Variants in STEAP1B observed in about 807,000 individuals in gnomAD.
STEAP1B encodes STEAP family member 1B, also known as STEAP family protein MGC87042.
In STEAP1B, 13 loss-of-function variants were observed where a neutral mutation model predicts 27.9. The ratio of observed to expected loss-of-function variants is 0.47; its 90% confidence interval spans 0.30 to 0.74. The LOEUF is 0.74. Ranked by LOEUF, STEAP1B falls within the 30% of genes least tolerant of loss-of-function variation. The pLI is 0.06. For synonymous variants in STEAP1B, 86 were observed against 107.1 expected, an observed-to-expected ratio of 0.80 and a Z score of 1.22; for missense variants, 250 against 298.7, an observed-to-expected ratio of 0.84 and a Z score of 1.20.
intron 4 of STEAP1B, among the ~76,000 whole-genome samples, chr7:22,492,234 G>A (rs1385962103): frequency 2.1e-5 from 3 of 142,464 alleles, no homozygotes; most frequent in Non-Finnish European, 4.5e-5. Context: ...CAGGAGAATC[G>A]CCTGAACCCA....
In STEAP1B at chr7:22,468,470, T is replaced by C. The variant is rs1203886468; in HGVS notation, c.762+24095A>G. Among the ~76,000 whole-genome samples, 10 of 152,324 alleles carry C rather than the reference T, an allele frequency of 6.6e-5. No individual in the cohort carries two copies. In the East Asian group the frequency reaches 1.5e-3, roughly 23 times the overall value. On this transcript the variant is annotated intron_variant, in intron 4 of 4. Coordinates refer to ENST00000678116, the MANE Select transcript of STEAP1B (RefSeq NM_001382447.1). ...GAAATGCAAAATGGTACAGCCACTT[T>C]GGAAAATCATTTGGCAGCTTTTTAA...
intron 4 of STEAP1B, among the ~76,000 whole-genome samples, chr7:22,420,240 A>G (rs971633329): frequency 4.6e-5 from 7 of 152,222 alleles, no homozygotes; most frequent in South Asian, 2.1e-4. Flanking sequence ...TCTTTTAAAC[A>G]GTAGGCACAG....
chr7:22,492,635 G>C lies in STEAP1B; in HGVS notation c.692C>G (p.Ala231Gly), dbSNP rs994271993. Residue 231 changes from alanine to glycine, a missense_variant, in exon 4 of 5, where the codon GCT becomes GGT. Physicochemically the swap from Ala to Gly is moderately conservative, Grantham distance 60. Coordinates refer to ENST00000678116, the MANE Select transcript of STEAP1B (RefSeq NM_001382447.1). The stretch of plus-strand genomic sequence containing the variant: ...TGGAATAGATGTCACAGCCAACAGA[G>C]CCAGTATTGCCAGTCCCACAATTCC... ...SLGIVGLAIL[A>G]LLAVTSIPSV... 5 of 1,613,508 alleles carry C rather than the reference G, an allele frequency of 3.1e-6. No individual in the cohort carries two copies. The African/African-American group carries it at 5.3e-5, about 17-fold the overall frequency.
chr7:22,431,823 G>C (rs1785191468), intron 4 of STEAP1B, among the ~76,000 whole-genome samples: 1 of 152,098 alleles, frequency 6.6e-6, no homozygotes, highest in African/African-American at 2.4e-5. Flanking sequence ...ACTCCACTTG[G>C]GCCACCCTTC....
At chr7:22,451,746 G>A (rs1000495942) in intron 4 of STEAP1B, among the ~76,000 whole-genome samples, 2 of 152,214 alleles carry the variant, frequency 1.3e-5, no homozygotes, top group African/African-American at 4.8e-5. Flanking sequence ...ACTTGGTCAT[G>A]ACAAATGATT....
chr7:22,426,668 T>G (rs1042555843), intron 4 of STEAP1B, among the ~76,000 whole-genome samples: 10 of 152,238 alleles, frequency 6.6e-5, no homozygotes, highest in Non-Finnish European at 2.9e-5. Flanking sequence ...CCAATACACA[T>G]GCATTCATTC....
At chr7:22,453,006 C>G (rs1785515356) in intron 4 of STEAP1B, among the ~76,000 whole-genome samples, 1 of 152,194 alleles carries the variant, frequency 6.6e-6, no homozygotes, top group Non-Finnish European at 1.5e-5. Flanking sequence ...TATTTCTGCT[C>G]TGTTTTGAAG....
chr7:22,446,461 G>A (rs1785410825), intron 4 of STEAP1B, among the ~76,000 whole-genome samples: 1 of 152,172 alleles, frequency 6.6e-6, no homozygotes, highest in South Asian at 2.1e-4. Flanking sequence ...GGAACTTTGG[G>A]GACAGGGCCC....
intron 4 of STEAP1B, among the ~76,000 whole-genome samples, chr7:22,441,084 A>G (rs1785326397): frequency 6.6e-6 from 1 of 151,808 alleles, no homozygotes. Flanking sequence ...TATCTTTAAA[A>G]AGAGTTTTAT....
At chr7:22,420,614 TCA>T (rs1317306262) in intron 4 of STEAP1B, among the ~76,000 whole-genome samples, 1 of 152,242 alleles carries the variant, frequency 6.6e-6, no homozygotes, top group Non-Finnish European at 1.5e-5. Context: ...GCTTCTGCTC[TCA>T]GTTCTTCACA....
intron 4 of STEAP1B, among the ~76,000 whole-genome samples, chr7:22,473,132 C>A (rs761346591): frequency 6.6e-6 from 1 of 152,132 alleles, no homozygotes; most frequent in Non-Finnish European, 1.5e-5. Context: ...CATTACCGCA[C>A]TGACCAGGAC....
Position 22,427,655 on chromosome 7 carries a change from C to G in STEAP1B, c.763-7819G>C, listed in dbSNP as rs186467194. Among the ~76,000 whole-genome samples, 4 of 152,230 alleles carry G rather than the reference C, an allele frequency of 2.6e-5. No individual in the cohort carries two copies. The East Asian group carries it at 7.7e-4, about 29-fold the overall frequency. On this transcript the variant is annotated intron_variant, in intron 4 of 4. Coordinates refer to ENST00000678116, the MANE Select transcript of STEAP1B (RefSeq NM_001382447.1). Reference sequence around the variant, plus strand: ...ACTGAAAAACAGATGAACTAAACATCCAACCTAAGAGATTAGAGGTAGATA... The same window carrying G: ...ACTGAAAAACAGATGAACTAAACATGCAACCTAAGAGATTAGAGGTAGATA...
chr7:22,433,842 CAT>C (rs1337437535), intron 4 of STEAP1B, among the ~76,000 whole-genome samples: 1 of 152,182 alleles, frequency 6.6e-6, no homozygotes, highest in East Asian at 1.9e-4. Flanking sequence ...TCATGATGAA[CAT>C]GTGTGTATAC....
At chr7:22,430,243 C>T (rs1385474815) in intron 4 of STEAP1B, among the ~76,000 whole-genome samples, 3 of 152,234 alleles carry the variant, frequency 2.0e-5, no homozygotes, top group African/African-American at 4.8e-5. Flanking sequence ...TCACTGCTCT[C>T]ACCTGCCTAT....
At chr7:22,425,044 A>C (rs1785089500) in intron 4 of STEAP1B, among the ~76,000 whole-genome samples, 1 of 152,226 alleles carries the variant, frequency 6.6e-6, no homozygotes, top group African/African-American at 2.4e-5. Context: ...TAATATTTGT[A>C]CAGTCATAAC....
intron 4 of STEAP1B, among the ~76,000 whole-genome samples, chr7:22,473,302 A>C (rs1314421920): frequency 2.0e-5 from 3 of 152,224 alleles, no homozygotes; most frequent in Non-Finnish European, 2.9e-5. Flanking sequence ...GCTCCTGTCT[A>C]TCTCTCAGAA....
At chr7:22,466,750 C>A (rs2128409551) in intron 4 of STEAP1B, among the ~76,000 whole-genome samples, 1 of 152,292 alleles carries the variant, frequency 6.6e-6, no homozygotes, top group Admixed American at 6.5e-5. Flanking sequence ...ACATTTCCAT[C>A]TTAAAGTAAG....
chr7:22,452,591 A>G (rs1367892663), intron 4 of STEAP1B, among the ~76,000 whole-genome samples: 2 of 152,188 alleles, frequency 1.3e-5, no homozygotes, highest in African/African-American at 4.8e-5. Context: ...AGAAAAGTAC[A>G]GTTAAAGGAT....
At chr7:22,450,605 T>G (rs1785472235) in intron 4 of STEAP1B, among the ~76,000 whole-genome samples, 1 of 151,892 alleles carries the variant, frequency 6.6e-6, no homozygotes, top group African/African-American at 2.4e-5. Context: ...TTTTGTTTTT[T>G]TTTTTTTGCT....
Sources: allele counts gnomAD v4.1 joint callset (sites outside exome capture counted in the v4.1 genomes callset), GRCh38; gene constraint gnomAD v4.1.1; transcripts MANE v1.5; gene names NCBI Gene and HGNC (gene_info 2026-07-23, HGNC 2026-07-21).